TPCN2: variants seen among roughly 807,000 people sequenced by gnomAD.
The protein encoded by TPCN2 is two pore channel protein 2.
A neutral mutation model predicts 111.4 loss-of-function variants in TPCN2; 92 were observed. The observed-to-expected ratio is 0.83, with a 90% CI of 0.70 to 0.98. The LOEUF is 0.98. Among genes scored for constraint, TPCN2 ranks in the 50% least tolerant of loss-of-function variants. The pLI is 0.00. For synonymous variants in TPCN2, 405 were observed against 414.5 expected (o/e 0.98, Z 0.28); for missense variants, 995 against 980.1 (o/e 1.02, Z -0.20).
At position 69,083,939 on chromosome 11, in the gene TPCN2, C is replaced by T; in HGVS notation, c.1690-6C>T. On this transcript the variant is annotated splice_region_variant and splice_polypyrimidine_tract_variant and intron_variant, in intron 18 of 24. Coordinates refer to ENST00000294309, the MANE Select transcript of TPCN2 (RefSeq NM_139075.4). ...AGTAAGGGCTGTGCTCTCTTCCTGT[C>T]CTCAGCTGATGGCCGTGGTGGCCAG... is the stretch of plus-strand genomic sequence containing the variant. The T allele has an allele frequency of 1.2e-6, 2 of 1,613,646 alleles. No individual in the cohort carries two copies. Among genetic ancestry groups the T allele is most frequent in the Non-Finnish European group, 1.7e-6 (2 of 1,179,634 alleles).
At chr11:69,085,106 C>G in intron 19 of TPCN2, 104 bp from the exon 20 acceptor site, 1 of 1,120,688 alleles carries the variant, frequency 8.9e-7, no homozygotes. Flanking sequence ...GCAGAGGGTC[C>G]TGGCCTCACA....
intron 2 of TPCN2, chr11:69,054,429 C>G: frequency 1.8e-6 from 1 of 560,764 alleles, no homozygotes; most frequent in South Asian, 2.1e-5. Context: ...AAGAGAGAGC[C>G]TCGCAGGCAG....
intron 19 of TPCN2, chr11:69,084,768 C>T: frequency 1.0e-6 from 1 of 985,434 alleles, no homozygotes; most frequent in Non-Finnish European, 1.2e-6. Context: ...GAAATAGACG[C>T]TGGGAAGAGA....
chr11:69,083,941 T>G lies in TPCN2; in HGVS notation c.1690-4T>G. On this transcript the variant is annotated splice_region_variant and splice_polypyrimidine_tract_variant and intron_variant, in intron 18 of 24. Coordinates refer to ENST00000294309, the MANE Select transcript of TPCN2 (RefSeq NM_139075.4). ...TAAGGGCTGTGCTCTCTTCCTGTCC[T>G]CAGCTGATGGCCGTGGTGGCCAGTA... The G allele has an allele frequency of 6.2e-7, 1 of 1,613,928 alleles. No homozygotes were observed. Among genetic ancestry groups the G allele is most frequent in the Non-Finnish European group, 8.5e-7 (1 of 1,179,798 alleles).
rs1223421655 is a variant in TPCN2, at chr11:69,089,668, G to A, written c.*1715G>A. ...TTCTCTCTTGTTGCTTGGTGAAGGT[G>A]GCCCTGGTCAGCTTCTCCACTGCCC... is the stretch of plus-strand genomic sequence containing the variant. On this transcript the variant is annotated 3_prime_UTR_variant, in exon 25 of 25. Coordinates refer to ENST00000294309, the MANE Select transcript of TPCN2 (RefSeq NM_139075.4). 1 of 152,288 alleles carries A rather than the reference G, an allele frequency of 6.6e-6. No homozygotes were observed. Among genetic ancestry groups the A allele is most frequent in the Non-Finnish European group, 1.5e-5 (1 of 68,080 alleles). 9.4% of individuals were successfully genotyped at this position (152,288 alleles called of 1,614,324 possible). A position where few individuals can be genotyped will look rare whatever the true frequency, so the allele number is the denominator to read the frequency against.
At chr11:69,063,832 G>T in intron 6 of TPCN2, 63 bp from the exon 7 acceptor site, 3 of 1,533,752 alleles carry the variant, frequency 2.0e-6, no homozygotes, top group Non-Finnish European at 2.7e-6. Flanking sequence ...AGCCCTGCAG[G>T]CAGGTCAGGT....
chr11:69,084,294 C>G (rs1856176712), intron 19 of TPCN2, among the ~76,000 whole-genome samples: 2 of 152,190 alleles, frequency 1.3e-5, no homozygotes, highest in African/African-American at 2.4e-5. Flanking sequence ...ATTTTTGAGT[C>G]TCTCGTGTTT....
chr11:69,078,860 C>G (rs1252333938), intron 15 of TPCN2, 32 bp from the exon 16 acceptor site: 1 of 1,614,052 alleles, frequency 6.2e-7, no homozygotes, highest in Admixed American at 1.7e-5. Context: ...GCCCTGGGGC[C>G]CAATGCTGGG....
At chr11:69,055,076 C>T (rs1022414938) in intron 3 of TPCN2, 99 bp from the exon 4 acceptor site, 37 of 1,308,844 alleles carry the variant, frequency 2.8e-5, no homozygotes, top group Middle Eastern at 3.8e-4. Flanking sequence ...GCTCAGGCAG[C>T]GCCAACTCCC....
rs1445271105 is a variant in TPCN2, at chr11:69,089,182, G to C, written c.*1229G>C. 1 of 152,356 alleles carries C rather than the reference G, an allele frequency of 6.6e-6. No individual in the cohort carries two copies. The highest frequency in any genetic ancestry group is 1.5e-5 in the Non-Finnish European group (1 of 68,086). The allele number at this position is 152,356 out of a possible 1,614,324, so 9.4% of individuals were successfully genotyped here. ...CGAACAACAGTGCAGTCGGTATCGA[G>C]ATTGGGGAGAGGAGCGAGTCCAAGG... On this transcript the variant is annotated 3_prime_UTR_variant, in exon 25 of 25. Coordinates refer to ENST00000294309, the MANE Select transcript of TPCN2 (RefSeq NM_139075.4).
chr11:69,074,188 A>G (rs1415433826), intron 13 of TPCN2, among the ~76,000 whole-genome samples: 1 of 152,152 alleles, frequency 6.6e-6, no homozygotes, highest in Non-Finnish European at 1.5e-5. Flanking sequence ...TCTAAAAAAC[A>G]TTGTTTTCCT....
chr11:69,069,873 T>C (rs1030690621), intron 8 of TPCN2, among the ~76,000 whole-genome samples: 1 of 151,984 alleles, frequency 6.6e-6, no homozygotes, highest in Non-Finnish European at 1.5e-5. Flanking sequence ...TTCAGCTCTG[T>C]GTGCAGAGGG....
chr11:69,080,121 C>T (rs1855943678), intron 17 of TPCN2, among the ~76,000 whole-genome samples: 1 of 152,256 alleles, frequency 6.6e-6, no homozygotes, highest in African/African-American at 2.4e-5. Flanking sequence ...GGAGGGAAGC[C>T]GTTGTTCCCC....
chr11:69,058,526 GT>G (rs11291775), intron 5 of TPCN2, among the ~76,000 whole-genome samples: 123,823 of 152,198 alleles, frequency 0.81, 55,251 homozygotes, highest in Non-Finnish European at 0.99. Context: ...CAGTGCCGAT[GT>G]GGGGGCTGGA....
In TPCN2 at chr11:69,084,023, C is replaced by G. The variant is rs780618802; in HGVS notation, c.1761+7C>G. ...GTTTGGCGGGATCCTGGTGGTGAGTCCCAGGCTGCTGCTGGTGGCGGGTTA... is the reference window on the plus strand; with the variant it reads ...GTTTGGCGGGATCCTGGTGGTGAGTGCCAGGCTGCTGCTGGTGGCGGGTTA... On this transcript the variant is annotated splice_region_variant and intron_variant, in intron 19 of 24. Coordinates refer to ENST00000294309, the MANE Select transcript of TPCN2 (RefSeq NM_139075.4). 1.2e-6 allele frequency: 2 copies of G among 1,613,880 alleles called. No homozygotes were observed. The highest frequency in any genetic ancestry group is 1.7e-4 in the Middle Eastern group (1 of 6,058).
At chr11:69,072,396 T>TTG (rs1855576827) in intron 11 of TPCN2, among the ~76,000 whole-genome samples, 1 of 151,824 alleles carries the variant, frequency 6.6e-6, no homozygotes, top group Non-Finnish European at 1.5e-5. Flanking sequence ...TTGAGGGACA[T>TTG]TGCAGTGGAA....
chr11:69,049,002 C>CG lies in TPCN2; in HGVS notation c.7dup (p.Glu3GlyfsTer45). On this transcript the variant is annotated frameshift_variant, in exon 1 of 25. Coordinates refer to ENST00000294309, the MANE Select transcript of TPCN2 (RefSeq NM_139075.4). LOFTEE classifies it high-confidence loss of function. ...GTCCAGCGCGTGGGCTGCTGGATGG[C>CG]GGAACCCCAGGCGGAGTCGGAGCCC... 2 of 1,238,538 alleles carry CG rather than the reference C, an allele frequency of 1.6e-6. No individual in the cohort carries two copies. The highest frequency in any genetic ancestry group is 2.0e-6 in the Non-Finnish European group (2 of 987,786). 76.7% of individuals were successfully genotyped at this position (1,238,538 alleles called of 1,614,324 possible).
chr11:69,081,142 G>C (rs915693692), intron 17 of TPCN2, among the ~76,000 whole-genome samples: 2 of 151,888 alleles, frequency 1.3e-5, no homozygotes, highest in Non-Finnish European at 2.9e-5. Flanking sequence ...CAGCCTTCCC[G>C]CAAGGGCTGG....
Position 69,078,955 on chromosome 11 carries a change from G to C in TPCN2, c.1474G>C (p.Gly492Arg). 6.2e-7 allele frequency: 1 copy of C among 1,614,048 alleles called. No individual in the cohort carries two copies. Among genetic ancestry groups the C allele is most frequent in the Non-Finnish European group, 8.5e-7 (1 of 1,179,998 alleles). Reference sequence around the variant, plus strand: ...GATGCTGCTCAAGGTCTTTGCCCTGGGCCTGCGAGGGTACCTGTCCTACCC... The same window carrying C: ...GATGCTGCTCAAGGTCTTTGCCCTGCGCCTGCGAGGGTACCTGTCCTACCC... ...LEMLLKVFAL[G>R]LRGYLSYPSN... The change falls in exon 16 of 25, where the codon GGC becomes CGC. Residue 492 changes from glycine (G) to arginine (R), a missense_variant. Gly to Arg is a moderately radical substitution (Grantham distance 125). Transcript: ENST00000294309.
Sources: allele counts gnomAD v4.1 joint callset (sites outside exome capture counted in the v4.1 genomes callset), GRCh38; gene constraint gnomAD v4.1.1; transcripts MANE v1.5; gene names NCBI Gene and HGNC (gene_info 2026-07-23, HGNC 2026-07-21).